SETD4: variants seen among roughly 807,000 people sequenced by gnomAD.
SETD4 encodes the protein SET domain containing 4.
In SETD4, 46 loss-of-function variants were observed where a neutral mutation model predicts 58.3. That is an observed-to-expected ratio of 0.79 (90% CI 0.62 to 1.01). SETD4 has a LOEUF of 1.01. SETD4 is among the 50% of genes least tolerant of loss of function. The pLI, the probability that SETD4 is intolerant of heterozygous loss-of-function variation, is 0.00. For missense variants in SETD4, 490 were observed against 523.3 expected (o/e 0.94, Z 0.62); for synonymous variants, 190 against 202.6 (o/e 0.94, Z 0.53).
intron 4 of SETD4, chr21:36,052,886 C>G (rs1312823760): frequency 6.6e-6 from 1 of 152,198 alleles, no homozygotes; most frequent in Non-Finnish European, 1.5e-5. Flanking sequence ...AGTCTGAGGC[C>G]TCATCCTCCC....
At chr21:36,058,750 A>G (rs1055444916) in intron 2 of SETD4, 66 bp downstream of exon 2, 14 of 1,503,876 alleles carry the variant, frequency 9.3e-6, no homozygotes, top group Non-Finnish European at 1.3e-5. Flanking sequence ...AAAGCTACGT[A>G]TGAACAAACA....
At chr21:36,058,948 C>G in intron 1 of SETD4, 24 bp from the exon 2 acceptor site, 5 of 1,519,170 alleles carry the variant, frequency 3.3e-6, no homozygotes, top group Non-Finnish European at 4.4e-6. Context: ...AAGGACAAAA[C>G]TGTAATTTCT....
chr21:36,035,927 C>T lies in SETD4; in HGVS notation c.*66G>A. ...TCCTGGGGGCAGCCACCACCCCAGC[C>T]CATGATGATGCTCTTCAAAATTAAC... is the stretch of plus-strand genomic sequence containing the variant. On this transcript the variant is annotated 3_prime_UTR_variant, in exon 12 of 12. Coordinates refer to ENST00000332131, the MANE Select transcript of SETD4 (RefSeq NM_017438.5). 1.4e-6 allele frequency: 1 copy of T among 705,544 alleles called. No homozygotes were observed. The highest frequency in any genetic ancestry group is 2.9e-5 in the Admixed American group (1 of 34,710). The allele number at this position is 705,544 out of a possible 1,614,324, so 43.7% of individuals were successfully genotyped here.
intron 10 of SETD4, among the ~76,000 whole-genome samples, chr21:36,037,388 T>C (rs111442186): frequency 6.6e-6 from 1 of 151,920 alleles, no homozygotes; most frequent in African/African-American, 2.4e-5. Flanking sequence ...GCGGATCACC[T>C]GAGGTCAGGA....
chr21:36,038,350 A>G (rs935305129), intron 9 of SETD4, 77 bp from the exon 10 acceptor site: 8 of 1,511,324 alleles, frequency 5.3e-6, no homozygotes, highest in African/African-American at 2.8e-5. Flanking sequence ...TGCAACACAT[A>G]AACTCCTTCT....
Position 36,045,581 on chromosome 21 carries a change from C to T in SETD4, c.726+1G>A. The T allele has an allele frequency of 1.9e-6, 3 of 1,611,918 alleles. No individual in the cohort carries two copies. Among genetic ancestry groups the T allele is most frequent in the Non-Finnish European group, 2.5e-6 (3 of 1,178,438 alleles). On this transcript the variant is annotated splice_donor_variant, in intron 6 of 11. Transcript: ENST00000332131. LOFTEE classifies it high-confidence loss of function. ...TAGCTGCTCCCTTGTCAGCTTCTCACCTGGACATGTGGGCTATGATTCAGC... is the reference window on the plus strand; with the variant it reads ...TAGCTGCTCCCTTGTCAGCTTCTCATCTGGACATGTGGGCTATGATTCAGC...
chr21:36,057,947 G>A (rs2835263), intron 2 of SETD4, among the ~76,000 whole-genome samples: 56,147 of 152,072 alleles, frequency 0.37, 10,418 homozygotes, highest in Admixed American at 0.41. Context: ...GATTTACATA[G>A]GACTTTCCAG....
At chr21:36,038,076 C>A in intron 10 of SETD4, 74 bp downstream of exon 10, 1 of 1,505,520 alleles carries the variant, frequency 6.6e-7, no homozygotes, top group South Asian at 1.3e-5. Context: ...TGCACTATCC[C>A]TAATAACATG....
intron 5 of SETD4, 151 bp downstream of exon 5, chr21:36,048,157 G>A (rs934379905): frequency 2.9e-6 from 2 of 693,246 alleles, no homozygotes; most frequent in Admixed American, 2.2e-5. Flanking sequence ...AAACTTTCTA[G>A]AATGGAGTAA....
chr21:36,036,249 C>A lies in SETD4; in HGVS notation c.1191G>T (p.Val397=). 2 of 1,586,818 alleles carry A rather than the reference C, an allele frequency of 1.3e-6. No individual in the cohort carries two copies. Among genetic ancestry groups the A allele is most frequent in the Non-Finnish European group, 1.7e-6 (2 of 1,171,590 alleles). ...IEETNAVLQK[V]SHMKDEKEAL... is the part of the protein sequence containing the mutation. ...CCTCTTTTTCATCCTTCATATGAGA[C>A]ACCTGAAAGTTATTTTTTAATTATT... The change falls in exon 11 of 12, where the codon GTG becomes GTT. Residue 397 remains valine (V), a splice_region_variant and synonymous_variant. Transcript: ENST00000332131.
At position 36,048,194 on chromosome 21, in the gene SETD4, T is replaced by A. The variant is rs984554229; in HGVS notation, c.296+114A>T. On this transcript the variant is annotated intron_variant, in intron 5 of 11. Coordinates refer to ENST00000332131, the MANE Select transcript of SETD4 (RefSeq NM_017438.5). ...CTTTTCACATCATTCAGGTTATTTA[T>A]CAGCTCTACAAGGGACTGGGTTCTA... The A allele has an allele frequency of 4.6e-6, 4 of 872,474 alleles. No homozygotes were observed. In the Admixed American group the frequency reaches 5.7e-5, roughly 12 times the overall value. The allele number at this position is 872,474 out of a possible 1,614,324, so 54.0% of individuals were successfully genotyped here. A position where few individuals can be genotyped will look rare whatever the true frequency, so the allele number is the denominator to read the frequency against.
chr21:36,048,425 C>T (rs542700206), intron 4 of SETD4, 29 bp from the exon 5 acceptor site: 22 of 1,602,880 alleles, frequency 1.4e-5, no homozygotes, highest in East Asian at 4.5e-5. Context: ...AAGTTGAGGA[C>T]GCCTATGCTT....
intron 7 of SETD4, chr21:36,043,450 A>G (rs2064161257): frequency 1.3e-5 from 14 of 1,066,092 alleles, no homozygotes; most frequent in African/African-American, 1.8e-5. Flanking sequence ...CTCTAATCCT[A>G]TTTTCTTTAG....
At chr21:36,043,533 T>C (rs1430317752) in intron 7 of SETD4, 1 of 1,329,442 alleles carries the variant, frequency 7.5e-7, no homozygotes, top group East Asian at 3.0e-5. Flanking sequence ...CAGTTTTCCT[T>C]TTCTTCCATT....
intron 3 of SETD4, among the ~76,000 whole-genome samples, chr21:36,055,979 T>G (rs2064964993): frequency 1.3e-5 from 2 of 152,320 alleles, no homozygotes; most frequent in African/African-American, 4.8e-5. Context: ...AACTCTGTTC[T>G]GTACATCTAA....
chr21:36,046,094 A>AG, intron 5 of SETD4, 83 bp from the exon 6 acceptor site: 1 of 1,448,826 alleles, frequency 6.9e-7, no homozygotes, highest in Middle Eastern at 2.2e-4. Context: ...TGCTGCCAGA[A>AG]GGAGTGTGTT....
chr21:36,042,128 T>G (rs560732107), intron 7 of SETD4: 1 of 281,816 alleles, frequency 3.5e-6, no homozygotes, highest in African/African-American at 2.2e-5. Context: ...CCTCAGCTCC[T>G]GCTCCCACTA....
intron 5 of SETD4, among the ~76,000 whole-genome samples, chr21:36,046,320 T>C (rs966618374): frequency 3.3e-5 from 5 of 152,226 alleles, no homozygotes; most frequent in African/African-American, 1.2e-4. Flanking sequence ...AACTTGGTTC[T>C]CCAGTTGTAA....
intron 4 of SETD4, among the ~76,000 whole-genome samples, chr21:36,052,423 G>A (rs1308640398): frequency 6.6e-6 from 1 of 151,158 alleles, no homozygotes; most frequent in Non-Finnish European, 1.5e-5. Flanking sequence ...TGGGCATGGT[G>A]GCACATGCCT....
Sources: allele counts gnomAD v4.1 joint callset (sites outside exome capture counted in the v4.1 genomes callset), GRCh38; gene constraint gnomAD v4.1.1; transcripts MANE v1.5; gene names NCBI Gene and HGNC (gene_info 2026-07-23, HGNC 2026-07-21).